Variants in DNAJA2 observed in about 807,000 individuals in gnomAD.
The protein encoded by DNAJA2 is dnaJ homolog subfamily A member 2.
Under a neutral mutation model 49.3 loss-of-function variants are expected in DNAJA2, and 6 were observed. The observed-to-expected ratio is 0.12, with a 90% CI of 0.07 to 0.24. The LOEUF (loss-of-function observed/expected upper bound fraction) is 0.24, where lower values mean the gene tolerates loss of function less well. Among genes scored for constraint, DNAJA2 ranks in the 10% least tolerant of loss-of-function variants. The probability of loss-of-function intolerance (pLI) is 1.00; values close to 1 mark genes in which losing one functional copy is unlikely to be tolerated. For missense variants in DNAJA2, 347 were observed against 516.8 expected (o/e 0.67, Z 3.19); for synonymous variants, 160 against 172.7 (o/e 0.93, Z 0.58).
At chr16:46,970,476 C>T (rs1567355040) in intron 3 of DNAJA2, among the ~76,000 whole-genome samples, 1 of 152,180 alleles carries the variant, frequency 6.6e-6, no homozygotes, top group Non-Finnish European at 1.5e-5. Context: ...GGCGCAGTGG[C>T]TTATGCCTGT....
Position 46,971,461 on chromosome 16 carries a change from T to C in DNAJA2, c.250A>G (p.Met84Val), listed in dbSNP as rs1241347835. Residue 84 changes from methionine (M) to valine (V), a missense_variant, in exon 3 of 9, where the codon ATG (methionine) becomes GTG (valine). Met to Val is a conservative substitution (Grantham distance 21). Transcript: ENST00000317089. The part of the protein sequence containing the change: ...LREGSGGGGG[M>V]DDIFSHIFGG... Reference sequence around the variant, plus strand: ...AAAATGTGAGAGAAAATATCATCCATGCCACCACCTCCGCCGCTGCCTTCC... The same window carrying C: ...AAAATGTGAGAGAAAATATCATCCACGCCACCACCTCCGCCGCTGCCTTCC... 3 of 1,613,994 alleles carry C rather than the reference T, an allele frequency of 1.9e-6. No individual in the cohort carries two copies. Among genetic ancestry groups the C allele is most frequent in the Admixed American group, 3.3e-5 (2 of 59,976 alleles).
intron 5 of DNAJA2, among the ~76,000 whole-genome samples, chr16:46,965,286 A>G (rs1233280199): frequency 6.6e-6 from 1 of 152,212 alleles, no homozygotes; most frequent in East Asian, 1.9e-4. Context: ...TGAAGGACTC[A>G]GCTTCCCACT....
chr16:46,971,235 G>T, intron 3 of DNAJA2, 114 bp downstream of exon 3: 2 of 808,340 alleles, frequency 2.5e-6, no homozygotes, highest in East Asian at 2.9e-5. Context: ...CAAGGCAAAT[G>T]GAAGTTTTTC....
In DNAJA2 at chr16:46,971,880, G is replaced by C. The variant is rs1962056054; in HGVS notation, c.138+16C>G. On this transcript the variant is annotated intron_variant, in intron 2 of 8. Coordinates refer to ENST00000317089, the MANE Select transcript of DNAJA2 (RefSeq NM_005880.4). ...AAGCTAAAACCCCCGGAATAAAAAAGGTGCAAATAACTTACTTTGTCTCCT... is the reference window on the plus strand; with the variant it reads ...AAGCTAAAACCCCCGGAATAAAAAACGTGCAAATAACTTACTTTGTCTCCT... The C allele has an allele frequency of 1.2e-6, 2 of 1,602,296 alleles. No individual in the cohort carries two copies. Among genetic ancestry groups the C allele is most frequent in the South Asian group, 1.1e-5 (1 of 90,386 alleles).
In DNAJA2 at chr16:46,955,807, A is replaced by G. The variant is rs1961799872; in HGVS notation, c.*1222T>C. 6.6e-6 allele frequency: 1 copy of G among 152,218 alleles called. No homozygotes were observed. The highest frequency in any genetic ancestry group is 1.5e-5 in the Non-Finnish European group (1 of 68,042). The allele number at this position is 152,218 out of a possible 1,614,324, so 9.4% of individuals were successfully genotyped here. ...TAAAAACCAGATGATGGAAAGAGAA[A>G]CACAACATCCGTTTCATCAATTTTA... On this transcript the variant is annotated 3_prime_UTR_variant, in exon 9 of 9. Coordinates refer to ENST00000317089, the MANE Select transcript of DNAJA2 (RefSeq NM_005880.4).
At position 46,959,097 on chromosome 16, in the gene DNAJA2, G is replaced by A. The variant is rs773950249; in HGVS notation, c.953C>T (p.Pro318Leu). The change falls in exon 8 of 9, where the codon CCG (proline) becomes CTG (leucine). Residue 318 changes from proline to leucine, a missense_variant. Physicochemically the swap from Pro to Leu is moderately conservative, Grantham distance 98. Coordinates refer to ENST00000317089, the MANE Select transcript of DNAJA2 (RefSeq NM_005880.4). ...CVRVVRGEGM[P>L]QYRNPFEKGD... ...TTTTTCAAAGGGATTACGATACTGCGGCATCCCTTCACCTCGAACTACACG... is the reference window on the plus strand; with the variant it reads ...TTTTTCAAAGGGATTACGATACTGCAGCATCCCTTCACCTCGAACTACACG... 4.4e-6 allele frequency: 7 copies of A among 1,575,090 alleles called. No homozygotes were observed. The highest frequency in any genetic ancestry group is 1.8e-5 in the Admixed American group (1 of 56,608).
intron 6 of DNAJA2, among the ~76,000 whole-genome samples, chr16:46,962,932 G>T (rs1460816600): frequency 6.6e-6 from 1 of 152,106 alleles, no homozygotes; most frequent in Non-Finnish European, 1.5e-5. Context: ...TTCTCTATTG[G>T]ATTCTTAAAG....
intron 5 of DNAJA2, 41 bp from the exon 6 acceptor site, chr16:46,964,848 T>C (rs1177637021): frequency 2.0e-6 from 3 of 1,485,326 alleles, no homozygotes; most frequent in Admixed American, 1.9e-5. Flanking sequence ...AAGAGTACTA[T>C]ACTGTACTCT....
intron 5 of DNAJA2, 38 bp from the exon 6 acceptor site, chr16:46,964,845 C>A: frequency 6.7e-7 from 1 of 1,499,948 alleles, no homozygotes. Flanking sequence ...AGCAAGAGTA[C>A]TATACTGTAC....
At chr16:46,970,702 T>TCCAAC (rs1962030881) in intron 3 of DNAJA2, among the ~76,000 whole-genome samples, 1 of 111,924 alleles carries the variant, frequency 8.9e-6, no homozygotes, top group Admixed American at 1.3e-4. Context: ...GCCACTGCAC[T>TCCAAC]CCAACCCGGG....
chr16:46,971,810 T>C (rs1962054540), intron 2 of DNAJA2, 86 bp downstream of exon 2: 2 of 1,268,204 alleles, frequency 1.6e-6, no homozygotes, highest in Admixed American at 1.8e-5. Flanking sequence ...AGTTGGATTT[T>C]TTTCCTGCAA....
chr16:46,972,119 T>A (rs763595186), intron 1 of DNAJA2, 164 bp from the exon 2 acceptor site: 1 of 607,992 alleles, frequency 1.6e-6, no homozygotes, highest in Non-Finnish European at 2.9e-6. Context: ...GCGATACTGT[T>A]TACTAATGTA....
chr16:46,958,287 C>CA (rs1177551503), intron 8 of DNAJA2, among the ~76,000 whole-genome samples: 2 of 151,950 alleles, frequency 1.3e-5, no homozygotes, highest in Non-Finnish European at 2.9e-5. Flanking sequence ...TGCAGTGGCT[C>CA]ACGCCTGTAA....
In DNAJA2 at chr16:46,956,505, C is replaced by G. The variant is rs1961815415; in HGVS notation, c.*524G>C. The G allele has an allele frequency of 6.6e-6, 1 of 151,434 alleles. No homozygotes were observed. The highest frequency in any genetic ancestry group is 6.6e-5 in the Admixed American group (1 of 15,154). 9.4% of individuals were successfully genotyped at this position (151,434 alleles called of 1,614,324 possible). ...AAACAAAAAAACTTTACAACCACAGCTAATGTAATTTTTTCCATTGTTCCC... is the reference window on the plus strand; with the variant it reads ...AAACAAAAAAACTTTACAACCACAGGTAATGTAATTTTTTCCATTGTTCCC... On this transcript the variant is annotated 3_prime_UTR_variant, in exon 9 of 9. Coordinates refer to ENST00000317089, the MANE Select transcript of DNAJA2 (RefSeq NM_005880.4).
chr16:46,957,598 A>AT (rs1159334790), intron 8 of DNAJA2, among the ~76,000 whole-genome samples: 1 of 62,784 alleles, frequency 1.6e-5, no homozygotes, highest in African/African-American at 3.8e-5. Flanking sequence ...GCAAGACTCC[A>AT]TCTCAAAAAA....
Position 46,973,453 on chromosome 16 carries a change from G to C in DNAJA2, c.78+42C>G, listed in dbSNP as rs373434758. 3.9e-6 allele frequency: 6 copies of C among 1,556,564 alleles called. No individual in the cohort carries two copies. In the East Asian group the frequency reaches 1.0e-4, roughly 26 times the overall value. On this transcript the variant is annotated intron_variant, in intron 1 of 8. Coordinates refer to ENST00000317089, the MANE Select transcript of DNAJA2 (RefSeq NM_005880.4). ...TGAAGAAGACATCCCTGGCCGCGCA[G>C]GCCCCGCGCCCCTCACACCCGCCCG...
intron 6 of DNAJA2, among the ~76,000 whole-genome samples, chr16:46,960,639 T>A (rs998291972): frequency 6.6e-6 from 1 of 151,816 alleles, no homozygotes; most frequent in Non-Finnish European, 1.5e-5. Context: ...ATTAGCCAGG[T>A]GTGGTGGCAC....
At chr16:46,960,111 T>C (rs987806552) in intron 6 of DNAJA2, among the ~76,000 whole-genome samples, 3 of 152,244 alleles carry the variant, frequency 2.0e-5, no homozygotes, top group Admixed American at 6.5e-5. Flanking sequence ...GTCACTCTTC[T>C]TGTAAAGAAC....
In DNAJA2 at chr16:46,971,235, G is replaced by C; in HGVS notation, c.362+114C>G. The stretch of plus-strand genomic sequence containing the variant: ...GTCACCAAAAGAAGACAAGGCAAAT[G>C]GAAGTTTTTCTAATGAAGGACAGAA... On this transcript the variant is annotated intron_variant, in intron 3 of 8. Coordinates refer to ENST00000317089, the MANE Select transcript of DNAJA2 (RefSeq NM_005880.4). 5 of 808,342 alleles carry C rather than the reference G, an allele frequency of 6.2e-6. No individual in the cohort carries two copies. In the South Asian group the frequency reaches 1.1e-4, roughly 17 times the overall value. 50.1% of individuals were successfully genotyped at this position (808,342 alleles called of 1,614,324 possible). A position where few individuals can be genotyped will look rare whatever the true frequency, so the allele number is the denominator to read the frequency against.
Sources: gnomAD v4.1 joint callset for allele counts (sites outside exome capture counted in the v4.1 genomes callset) on GRCh38, gnomAD v4.1.1 for gene constraint, MANE v1.5 for transcripts, NCBI Gene and HGNC (gene_info 2026-07-23, HGNC 2026-07-21) for gene names.